CTDNEP1: variants seen among roughly 807,000 people sequenced by gnomAD.
CTDNEP1 encodes the protein C-terminal domain nuclear envelope phosphatase 1.
A neutral mutation model predicts 30.1 loss-of-function variants in CTDNEP1; 3 were observed. That is an observed-to-expected ratio of 0.10 (90% CI 0.05 to 0.26). The LOEUF (loss-of-function observed/expected upper bound fraction) is 0.26. Among genes scored for constraint, CTDNEP1 ranks in the 10% least tolerant of loss-of-function variants. The pLI is 1.00. For missense variants in CTDNEP1, 158 were observed against 310.4 expected (o/e 0.51, Z 3.69); for synonymous variants, 123 against 118.8 (o/e 1.04, Z -0.23).
At chr17:7,245,508 AT>A in intron 6 of CTDNEP1, among the ~76,000 whole-genome samples, 2 of 150,860 alleles carry the variant, frequency 1.3e-5, no homozygotes, top group Admixed American at 6.6e-5. Context: ...TTTATTATTT[AT>A]TTTTTTTGAG....
chr17:7,249,879 C>A (rs2142999062), intron 1 of CTDNEP1, among the ~76,000 whole-genome samples: 1 of 152,228 alleles, frequency 6.6e-6, no homozygotes, highest in African/African-American at 2.4e-5. Context: ...CCACTGCACT[C>A]CAGCCTGGGC....
intron 1 of CTDNEP1, 39 bp from the exon 2 acceptor site, chr17:7,247,382 G>A: frequency 6.5e-7 from 1 of 1,546,300 alleles, no homozygotes; most frequent in Non-Finnish European, 8.9e-7. Flanking sequence ...CCCTTGATAA[G>A]GAAGCCTTCC....
intron 1 of CTDNEP1, among the ~76,000 whole-genome samples, chr17:7,248,266 A>C (rs2071870451): frequency 7.0e-5 from 10 of 141,878 alleles, no homozygotes; most frequent in African/African-American, 2.3e-4. Flanking sequence ...TCGCAAAAAA[A>C]AAAAAAAAAA....
In CTDNEP1 at chr17:7,251,333, G is replaced by A; in HGVS notation, c.-37C>T. On this transcript the variant is annotated 5_prime_UTR_variant, in exon 1 of 8. Transcript: ENST00000574322. ...CGGCACCGCCGGCCCCGGGGCCCCC[G>A]CGGCCCAGCTCCGCCAGCCCCCCGG... The A allele has an allele frequency of 7.0e-7, 1 of 1,419,040 alleles. No individual in the cohort carries two copies. Among genetic ancestry groups the A allele is most frequent in the Non-Finnish European group, 9.3e-7 (1 of 1,070,856 alleles). 87.9% of individuals were successfully genotyped at this position (1,419,040 alleles called of 1,614,324 possible).
intron 7 of CTDNEP1, 23 bp downstream of exon 7, chr17:7,244,528 T>C (rs374506444): frequency 3.9e-5 from 62 of 1,593,452 alleles, no homozygotes; most frequent in Admixed American, 3.3e-5. Context: ...GATATCCAAG[T>C]GTCCAGAGCC....
chr17:7,249,901 A>G (rs1172251368), intron 1 of CTDNEP1, among the ~76,000 whole-genome samples: 1 of 152,056 alleles, frequency 6.6e-6, no homozygotes, highest in Admixed American at 6.6e-5. Flanking sequence ...ACAAAGCGAG[A>G]CTGTCTCAGA....
chr17:7,245,946 A>G (rs2071831652), intron 6 of CTDNEP1, 80 bp downstream of exon 6: 2 of 891,250 alleles, frequency 2.2e-6, no homozygotes, highest in South Asian at 2.9e-5. Flanking sequence ...GCTCTCAAGG[A>G]CCAAAGCCCA....
rs1338391950 is a variant in CTDNEP1, at chr17:7,247,095, C to T, written c.257G>A (p.Arg86Gln). Reference sequence around the variant, plus strand: ...GATGAAGTCAGGAGGCGTACCAGGCCGGACTGTGGGCCTCAGGACCCCATC... The same window carrying T: ...GATGAAGTCAGGAGGCGTACCAGGCTGGACTGTGGGCCTCAGGACCCCATC... ...HHDGVLRPTV[R>Q]PGTPPDFILK... The change falls in exon 3 of 8, where the codon CGG becomes CAG. Residue 86 changes from arginine to glutamine, a missense_variant. Around this residue, in one of 2 missense-constraint regions of CTDNEP1, gnomAD observed 96 missense variants for 229.1 expected, o/e 0.42. Coordinates refer to ENST00000574322, the MANE Select transcript of CTDNEP1 (RefSeq NM_001143775.2). 8.7e-6 allele frequency: 14 copies of T among 1,612,858 alleles called. No individual in the cohort carries two copies. Among genetic ancestry groups the T allele is most frequent in the South Asian group, 2.2e-5 (2 of 91,038 alleles).
chr17:7,247,424 C>T, intron 1 of CTDNEP1, 81 bp from the exon 2 acceptor site: 2 of 1,012,500 alleles, frequency 2.0e-6, no homozygotes, highest in African/African-American at 1.6e-5. Context: ...ACATAATGAA[C>T]ATTTACCACA....
intron 6 of CTDNEP1, among the ~76,000 whole-genome samples, chr17:7,245,434 A>C (rs1461400291): frequency 6.6e-6 from 1 of 152,120 alleles, no homozygotes; most frequent in African/African-American, 2.4e-5. Context: ...ACTGCACTCC[A>C]GCCTGGGAAC....
chr17:7,251,039 A>G (rs1408029367), intron 1 of CTDNEP1, among the ~76,000 whole-genome samples, 156 bp downstream of exon 1: 2 of 152,118 alleles, frequency 1.3e-5, no homozygotes, highest in Non-Finnish European at 2.9e-5. Flanking sequence ...CGCCCCGCTT[A>G]GGGTGCCCAA....
chr17:7,247,134 A>G lies in CTDNEP1; in HGVS notation c.218T>C (p.Ile73Thr), dbSNP rs1181220551. The G allele has an allele frequency of 6.2e-7, 1 of 1,613,978 alleles. No individual in the cohort carries two copies. The highest frequency in any genetic ancestry group is 1.7e-5 in the Admixed American group (1 of 60,016). ...CAGGACCCCATCATGGTGGGAGTGAATAAGTGTCTCATCCAGATCCAGCAC... is the reference window on the plus strand; with the variant it reads ...CAGGACCCCATCATGGTGGGAGTGAGTAAGTGTCTCATCCAGATCCAGCAC... ...ILVLDLDETL[I>T]HSHHDGVLRP... is the part of the protein sequence containing the mutation. Residue 73 changes from isoleucine to threonine, a missense_variant, in exon 3 of 8, where the codon ATT (isoleucine) becomes ACT (threonine). By Grantham distance (89) the Ile-to-Thr change is moderately conservative. Around this residue, in one of 2 missense-constraint regions of CTDNEP1, gnomAD observed 96 missense variants for 229.1 expected, o/e 0.42. Transcript: ENST00000574322.
At position 7,245,909 on chromosome 17, in the gene CTDNEP1, A is replaced by G. The variant is rs534965721; in HGVS notation, c.589+117T>C. On this transcript the variant is annotated intron_variant, in intron 6 of 7. Coordinates refer to ENST00000574322, the MANE Select transcript of CTDNEP1 (RefSeq NM_001143775.2). ...AATAACTTGCATTTCGACTTACAGC[A>G]AACTAGGGATAATCTAGGGAATCCC... is the stretch of plus-strand genomic sequence containing the variant. The G allele has an allele frequency of 7.5e-6, 5 of 669,286 alleles. No individual in the cohort carries two copies. The East Asian group carries it at 7.8e-5, about 10-fold the overall frequency. The allele number at this position is 669,286 out of a possible 1,614,324, so 41.5% of individuals were successfully genotyped here.
rs142495097 is a variant in CTDNEP1, at chr17:7,247,172, C to G, written c.180G>C (p.Lys60Asn). The stretch of plus-strand genomic sequence containing the variant: ...CCAGATCCAGCACCAGGATCTTCCT[C>G]TTCACCTGGGCTGAACCAGAGTGGG... ...PVSRNRLAQV[K>N]RKILVLDLDE... Residue 60 changes from lysine (K) to asparagine (N), a missense_variant, in exon 3 of 8, where the codon AAG becomes AAC. By Grantham distance (94) the Lys-to-Asn change is moderately conservative. This residue lies in a region of CTDNEP1 where 62 missense variants were observed against 81.4 expected (regional missense o/e 0.76). Transcript: ENST00000574322. 6 of 1,613,758 alleles carry G rather than the reference C, an allele frequency of 3.7e-6. No homozygotes were observed. The highest frequency in any genetic ancestry group is 5.1e-6 in the Non-Finnish European group (6 of 1,179,692).
chr17:7,247,037 A>G (rs1380367290), intron 3 of CTDNEP1, 27 bp downstream of exon 3: 1 of 1,555,218 alleles, frequency 6.4e-7, no homozygotes, highest in African/African-American at 1.4e-5. Flanking sequence ...AGATGGAACC[A>G]TTTCATCACT....
intron 6 of CTDNEP1, among the ~76,000 whole-genome samples, chr17:7,245,612 C>T (rs2071826750): frequency 6.6e-6 from 1 of 151,862 alleles, no homozygotes; most frequent in South Asian, 2.1e-4. Context: ...GATTCTCCTG[C>T]CTCAGCCTCC....
intron 6 of CTDNEP1, among the ~76,000 whole-genome samples, chr17:7,245,319 G>A (rs2071821565): frequency 1.3e-5 from 2 of 150,756 alleles, no homozygotes; most frequent in South Asian, 4.2e-4. Context: ...AAAAAAATTA[G>A]CTGGGCATGG....
At chr17:7,251,115 GA>G in intron 1 of CTDNEP1, 79 bp downstream of exon 1, 2 of 1,013,824 alleles carry the variant, frequency 2.0e-6, no homozygotes, top group South Asian at 1.7e-5. Flanking sequence ...CCGACACTCC[GA>G]AAACCCCTGA....
chr17:7,247,100 T>C lies in CTDNEP1; in HGVS notation c.252A>G (p.Thr84=), dbSNP rs1445104161. 3.7e-6 allele frequency: 6 copies of C among 1,613,284 alleles called. No individual in the cohort carries two copies. The highest frequency in any genetic ancestry group is 5.1e-6 in the Non-Finnish European group (6 of 1,179,964). ...HSHHDGVLRP[T]VRPGTPPDFI... ...AGTCAGGAGGCGTACCAGGCCGGAC[T>C]GTGGGCCTCAGGACCCCATCATGGT... Residue 84 remains threonine, a synonymous_variant, in exon 3 of 8, where the codon ACA becomes ACG. Transcript: ENST00000574322.
Sources: allele counts gnomAD v4.1 joint callset (sites outside exome capture counted in the v4.1 genomes callset), GRCh38; gene constraint gnomAD v4.1.1; regional missense constraint gnomAD v4.1.1; transcripts MANE v1.5; gene names NCBI Gene and HGNC (gene_info 2026-07-23, HGNC 2026-07-21).